Variants in DCLK1 observed in about 807,000 individuals in gnomAD.
DCLK1 encodes the protein serine/threonine-protein kinase DCLK1.
Under a neutral mutation model 86.2 loss-of-function variants are expected in DCLK1, and 16 were observed. The observed-to-expected ratio is 0.19, with a 90% CI of 0.13 to 0.28. DCLK1 has a LOEUF of 0.28. Ranked by LOEUF, DCLK1 falls within the 10% of genes least tolerant of loss-of-function variation. The probability of loss-of-function intolerance (pLI) is 1.00; values close to 1 mark genes in which losing one functional copy is unlikely to be tolerated. For synonymous variants in DCLK1, 369 were observed against 370.5 expected, an observed-to-expected ratio of 1.00 and a Z score of 0.05; for missense variants, 590 against 940.2, an observed-to-expected ratio of 0.63 and a Z score of 4.87.
chr13:35,873,171 G>A (rs897486022), intron 4 of DCLK1, among the ~76,000 whole-genome samples: 2 of 151,770 alleles, frequency 1.3e-5, no homozygotes, highest in South Asian at 2.1e-4. Context: ...GGTGGTGGGC[G>A]CCAGTAATCC....
At chr13:36,018,078 G>A (rs1424678280) in intron 3 of DCLK1, among the ~76,000 whole-genome samples, 1 of 152,112 alleles carries the variant, frequency 6.6e-6, no homozygotes, top group Non-Finnish European at 1.5e-5. Flanking sequence ...GCCTACCACT[G>A]AAAATGTTTT....
At chr13:36,032,331 C>T (rs906497111) in intron 3 of DCLK1, among the ~76,000 whole-genome samples, 8 of 151,818 alleles carry the variant, frequency 5.3e-5, no homozygotes, top group Admixed American at 1.3e-4. Flanking sequence ...TTAGTAGAGA[C>T]GGGGTTTCAC....
intron 4 of DCLK1, among the ~76,000 whole-genome samples, chr13:35,882,962 G>A (rs1198902488): frequency 5.9e-5 from 9 of 152,180 alleles, no homozygotes; most frequent in Non-Finnish European, 1.5e-5. Flanking sequence ...GCGAGTGGCT[G>A]AGTGAGTGGT....
At chr13:35,805,047 A>G (rs1024586594) in intron 15 of DCLK1, among the ~76,000 whole-genome samples, 8 of 152,366 alleles carry the variant, frequency 5.3e-5, no homozygotes, top group African/African-American at 1.9e-4. Context: ...CACTTTGGGT[A>G]GGAATCATGC....
chr13:35,811,044 CTG>C (rs2087130620), intron 11 of DCLK1, 76 bp from the exon 12 acceptor site: 1 of 1,583,690 alleles, frequency 6.3e-7, no homozygotes, highest in South Asian at 1.1e-5. Flanking sequence ...ATGAGGAACA[CTG>C]TGTTTAAATT....
chr13:35,873,484 A>G (rs1872416907), intron 4 of DCLK1, among the ~76,000 whole-genome samples: 1 of 151,694 alleles, frequency 6.6e-6, no homozygotes, highest in South Asian at 2.1e-4. Flanking sequence ...TCCCGAGTTC[A>G]AGAGATTCTC....
intron 3 of DCLK1, among the ~76,000 whole-genome samples, chr13:36,068,309 C>T (rs1053118248): frequency 6.6e-6 from 1 of 152,146 alleles, no homozygotes; most frequent in African/African-American, 2.4e-5. Flanking sequence ...TGGCTAGCTA[C>T]ACTGTCTTGG....
chr13:35,993,841 A>G (rs1431086338), intron 3 of DCLK1, among the ~76,000 whole-genome samples: 3 of 22,158 alleles, frequency 1.4e-4, no homozygotes, highest in Non-Finnish European at 2.3e-4. Context: ...ACTCATGAGA[A>G]AAAAAAAAAA....
intron 4 of DCLK1, among the ~76,000 whole-genome samples, chr13:35,881,488 T>C (rs567820542): frequency 1.3e-5 from 2 of 152,302 alleles, no homozygotes; most frequent in Non-Finnish European, 2.9e-5. Flanking sequence ...CCTGCCAAAA[T>C]GCAGATGATG....
chr13:35,966,650 G>C (rs935251431), intron 3 of DCLK1, among the ~76,000 whole-genome samples: 1 of 151,952 alleles, frequency 6.6e-6, no homozygotes, highest in African/African-American at 2.4e-5. Flanking sequence ...GATTGCAGGC[G>C]CGCACCGCCA....
At chr13:35,849,882 C>T (rs1870485867) in intron 6 of DCLK1, 3 of 959,170 alleles carry the variant, frequency 3.1e-6, no homozygotes, top group Non-Finnish European at 3.7e-6. Context: ...AAAAAAATTC[C>T]CAGCTTTAGT....
intron 2 of DCLK1, among the ~76,000 whole-genome samples, chr13:36,118,536 T>C (rs9546430): frequency 0.18 from 27,662 of 151,964 alleles, 3,063 homozygotes; most frequent in East Asian, 0.44. Context: ...GAAATTAAGT[T>C]GACTTTGCAC....
chr13:36,105,522 TAGG>T (rs1239429711), intron 3 of DCLK1, among the ~76,000 whole-genome samples: 1 of 152,168 alleles, frequency 6.6e-6, no homozygotes, highest in Non-Finnish European at 1.5e-5. Flanking sequence ...CTATTTCCAA[TAGG>T]AGGATAAATT....
intron 14 of DCLK1, 97 bp from the exon 15 acceptor site, chr13:35,805,876 T>C: frequency 9.3e-7 from 1 of 1,077,910 alleles, no homozygotes; most frequent in Non-Finnish European, 1.3e-6. Flanking sequence ...CGAAAAGCAT[T>C]TGTAAAAGCT....
chr13:36,014,024 C>T (rs1881421373), intron 3 of DCLK1, among the ~76,000 whole-genome samples: 1 of 152,226 alleles, frequency 6.6e-6, no homozygotes, highest in Non-Finnish European at 1.5e-5. Context: ...TCCCTGACCC[C>T]TTGTGCTTCC....
At chr13:35,981,379 G>A (rs1279882248) in intron 3 of DCLK1, among the ~76,000 whole-genome samples, 1 of 151,920 alleles carries the variant, frequency 6.6e-6, no homozygotes, top group Admixed American at 6.6e-5. Flanking sequence ...AGGAAGGGAT[G>A]GAGATTTCCC....
Position 35,838,997 on chromosome 13 carries a change from T to C in DCLK1, c.1120+95A>G, listed in dbSNP as rs137967065. On this transcript the variant is annotated intron_variant, in intron 7 of 16. Transcript: ENST00000360631. ...GACCCTCAGGAGCTGCTCAGCCTTG[T>C]CCATGTCATTCCGCTTGAGAAGCCA... 3,723 of 1,158,360 alleles carry C rather than the reference T, an allele frequency of 3.2e-3. 7 individuals are homozygous for C. Among genetic ancestry groups the C allele is most frequent in the Middle Eastern group, 5.8e-3 (30 of 5,212 alleles). The allele number at this position is 1,158,360 out of a possible 1,614,324, so 71.8% of individuals were successfully genotyped here. A position where few individuals can be genotyped will look rare whatever the true frequency, so the allele number is the denominator to read the frequency against.
intron 8 of DCLK1, among the ~76,000 whole-genome samples, chr13:35,833,152 C>T (rs941050960): frequency 5.9e-5 from 9 of 152,046 alleles, no homozygotes; most frequent in South Asian, 2.1e-4. Context: ...CAGAAGCATC[C>T]GCAGCAAGGA....
intron 3 of DCLK1, among the ~76,000 whole-genome samples, chr13:36,020,383 A>T (rs1881723980): frequency 6.6e-6 from 1 of 152,204 alleles, no homozygotes; most frequent in Non-Finnish European, 1.5e-5. Flanking sequence ...AATAAAAACA[A>T]TGGCAAAAAG....
Sources: gnomAD v4.1 joint callset for allele counts (sites outside exome capture counted in the v4.1 genomes callset) on GRCh38, gnomAD v4.1.1 for gene constraint, MANE v1.5 for transcripts, NCBI Gene and HGNC (gene_info 2026-07-23, HGNC 2026-07-21) for gene names.